Variants in RNF152 observed in about 807,000 individuals in gnomAD.
RNF152 encodes E3 ubiquitin-protein ligase RNF152.
In RNF152, 11 loss-of-function variants were observed where a neutral mutation model predicts 12.7. The observed-to-expected ratio is 0.86, with a 90% CI of 0.54 to 1.43. The LOEUF is 1.43. Among genes scored for constraint, RNF152 ranks in the 40% most tolerant of loss-of-function variants. The pLI, the probability that RNF152 is intolerant of heterozygous loss-of-function variation, is 0.00. For synonymous variants in RNF152, 113 were observed against 120.3 expected, an observed-to-expected ratio of 0.94 and a Z score of 0.40; for missense variants, 255 against 274.8, an observed-to-expected ratio of 0.93 and a Z score of 0.51.
At chr18:61,839,660 C>T (rs1247140310) in intron 1 of RNF152, among the ~76,000 whole-genome samples, 1 of 152,100 alleles carries the variant, frequency 6.6e-6, no homozygotes, top group Non-Finnish European at 1.5e-5. Flanking sequence ...CTTTGGGAGG[C>T]TGAGGCGGGC....
intron 1 of RNF152, among the ~76,000 whole-genome samples, chr18:61,880,378 T>G (rs566361472): frequency 5.4e-4 from 82 of 152,316 alleles, no homozygotes; most frequent in African/African-American, 1.9e-3. Flanking sequence ...ATCCCAGTTG[T>G]GAGTGTGGCT....
chr18:61,816,228 A>G lies in RNF152; in HGVS notation c.236T>C (p.Ile79Thr). 1 of 1,614,218 alleles carries G rather than the reference A, an allele frequency of 6.2e-7. No homozygotes were observed. Among genetic ancestry groups the G allele is most frequent in the Non-Finnish European group, 8.5e-7 (1 of 1,180,032 alleles). ...LPDDPEVLAV[I>T]AIPHTSEHTP... ...GTGTTCGGAAGTGTGTGGAATGGCGATGACAGCCAGGACCTCCGGGTCGTC... is the reference window on the plus strand; with the variant it reads ...GTGTTCGGAAGTGTGTGGAATGGCGGTGACAGCCAGGACCTCCGGGTCGTC... The change falls in exon 2 of 2, where the codon ATC becomes ACC. Residue 79 changes from isoleucine (I) to threonine (T), a missense_variant. Physicochemically the swap from Ile to Thr is moderately conservative, Grantham distance 89. Coordinates refer to ENST00000312828, the MANE Select transcript of RNF152 (RefSeq NM_173557.3).
intron 1 of RNF152, among the ~76,000 whole-genome samples, chr18:61,887,820 G>C (rs1456641440): frequency 6.6e-6 from 1 of 152,092 alleles, no homozygotes; most frequent in African/African-American, 2.4e-5. Flanking sequence ...GTGATTATCT[G>C]GATGTCTAGA....
chr18:61,822,509 G>A (rs1279709753), intron 1 of RNF152, among the ~76,000 whole-genome samples: 1 of 152,168 alleles, frequency 6.6e-6, no homozygotes, highest in East Asian at 1.9e-4. Flanking sequence ...GCATTCATTT[G>A]GTAGGTGGTA....
intron 1 of RNF152, among the ~76,000 whole-genome samples, chr18:61,832,793 T>C (rs983316869): frequency 6.6e-6 from 1 of 152,200 alleles, no homozygotes; most frequent in Non-Finnish European, 1.5e-5. Flanking sequence ...CACCATATTA[T>C]TAGGTCTTGC....
Position 61,815,774 on chromosome 18 carries a change from A to G in RNF152, c.*78T>C. The G allele has an allele frequency of 3.3e-6, 5 of 1,515,496 alleles. No homozygotes were observed. Among genetic ancestry groups the G allele is most frequent in the Non-Finnish European group, 4.5e-6 (5 of 1,108,118 alleles). 93.9% of individuals were successfully genotyped at this position (1,515,496 alleles called of 1,614,324 possible). On this transcript the variant is annotated 3_prime_UTR_variant, in exon 2 of 2. Coordinates refer to ENST00000312828, the MANE Select transcript of RNF152 (RefSeq NM_173557.3). Reference sequence around the variant, plus strand: ...CACCAAATGGTCAGTGTTGCCCCCCATCTTCTCACTGGGATCTCATCATCA... The same window carrying G: ...CACCAAATGGTCAGTGTTGCCCCCCGTCTTCTCACTGGGATCTCATCATCA...
Position 61,853,470 on chromosome 18 carries a change from T to A in RNF152, c.-135-36872A>T, listed in dbSNP as rs985840019. 7.9e-5 allele frequency among the ~76,000 whole-genome samples: 12 copies of A among 152,184 alleles called. No individual in the cohort carries two copies. The East Asian group carries it at 2.3e-3, about 29-fold the overall frequency. On this transcript the variant is annotated intron_variant, in intron 1 of 1. Transcript: ENST00000312828. ...AGGCCCAGCTAATTTTTTTGTATTTTTAGTAGAGATGGGGTTTCACCATGT... is the reference window on the plus strand; with the variant it reads ...AGGCCCAGCTAATTTTTTTGTATTTATAGTAGAGATGGGGTTTCACCATGT...
At chr18:61,865,020 C>CA (rs907233549) in intron 1 of RNF152, among the ~76,000 whole-genome samples, 96 of 145,212 alleles carry the variant, frequency 6.6e-4, no homozygotes, top group African/African-American at 1.9e-3. Flanking sequence ...AACTCCATCT[C>CA]AAAAAAAAAA....
At chr18:61,844,244 G>C (rs1910650551) in intron 1 of RNF152, among the ~76,000 whole-genome samples, 1 of 133,756 alleles carries the variant, frequency 7.5e-6, no homozygotes, top group Admixed American at 7.3e-5. Flanking sequence ...GAGGGGAGGG[G>C]AGGGCAGGCC....
rs544812655 is a variant in RNF152, at chr18:61,815,668, G to C, written c.*184C>G. ...CATCAACACTCAGAACAATTCACCT[G>C]GTATCTTGTTGAGACCGCACCTTCT... On this transcript the variant is annotated 3_prime_UTR_variant, in exon 2 of 2. Transcript: ENST00000312828. 5 of 600,318 alleles carry C rather than the reference G, an allele frequency of 8.3e-6. No individual in the cohort carries two copies. In the South Asian group the frequency reaches 1.1e-4, roughly 13 times the overall value. The allele number at this position is 600,318 out of a possible 1,614,324, so 37.2% of individuals were successfully genotyped here. A position where few individuals can be genotyped will look rare whatever the true frequency, so the allele number is the denominator to read the frequency against.
rs2144598734 is a variant in RNF152, at chr18:61,811,482, A to C, written c.*4370T>G. The C allele has an allele frequency of 6.6e-6, 1 of 152,360 alleles. No homozygotes were observed. Among genetic ancestry groups the C allele is most frequent in the African/African-American group, 2.4e-5 (1 of 41,582 alleles). The allele number at this position is 152,360 out of a possible 1,614,324, so 9.4% of individuals were successfully genotyped here. On this transcript the variant is annotated 3_prime_UTR_variant, in exon 2 of 2. Coordinates refer to ENST00000312828, the MANE Select transcript of RNF152 (RefSeq NM_173557.3). ...CTTCAACTCTTTCAGGGATAACTGA[A>C]ATTTTTGCTTAAAAAAGAAAGACAC...
intron 1 of RNF152, among the ~76,000 whole-genome samples, chr18:61,858,561 C>T (rs1911327780): frequency 6.6e-6 from 1 of 152,024 alleles, no homozygotes; most frequent in Non-Finnish European, 1.5e-5. Context: ...GCCCTGGGCC[C>T]CAACTCTACT....
intron 1 of RNF152, among the ~76,000 whole-genome samples, chr18:61,834,493 A>G (rs1328692481): frequency 6.6e-6 from 1 of 152,230 alleles, no homozygotes; most frequent in African/African-American, 2.4e-5. Flanking sequence ...CACACCCAGC[A>G]TCTAGCCAAC....
intron 1 of RNF152, among the ~76,000 whole-genome samples, chr18:61,883,532 T>G (rs1284854832): frequency 6.6e-6 from 1 of 152,148 alleles, no homozygotes; most frequent in Non-Finnish European, 1.5e-5. Context: ...GTTAGATCTC[T>G]ACAAAGCCTG....
chr18:61,819,745 G>A (rs1909288490), intron 1 of RNF152, among the ~76,000 whole-genome samples: 1 of 152,148 alleles, frequency 6.6e-6, no homozygotes, highest in African/African-American at 2.4e-5. Context: ...AGAAGGTCAG[G>A]CACAGTGGCT....
At chr18:61,843,622 T>C (rs1325958748) in intron 1 of RNF152, among the ~76,000 whole-genome samples, 2 of 152,192 alleles carry the variant, frequency 1.3e-5, no homozygotes, top group Admixed American at 6.5e-5. Context: ...TATTCAGCCT[T>C]AAAACAGCAG....
chr18:61,853,708 C>T (rs1465201704), intron 1 of RNF152, among the ~76,000 whole-genome samples: 2 of 152,164 alleles, frequency 1.3e-5, no homozygotes, highest in Non-Finnish European at 2.9e-5. Flanking sequence ...GACTATTCTA[C>T]CTCTTTTTCA....
intron 1 of RNF152, among the ~76,000 whole-genome samples, chr18:61,847,212 T>A (rs572930950): frequency 1.5e-4 from 23 of 151,954 alleles, no homozygotes; most frequent in African/African-American, 4.6e-4. Flanking sequence ...AAAAGAGGTA[T>A]CAGAGTAACA....
At chr18:61,824,302 C>T (rs1303133369) in intron 1 of RNF152, among the ~76,000 whole-genome samples, 2 of 152,342 alleles carry the variant, frequency 1.3e-5, no homozygotes, top group Middle Eastern at 3.4e-3. Flanking sequence ...CAAATGAGGA[C>T]TCTGGATTAG....
Sources: allele counts gnomAD v4.1 joint callset (sites outside exome capture counted in the v4.1 genomes callset), GRCh38; gene constraint gnomAD v4.1.1; transcripts MANE v1.5; gene names NCBI Gene and HGNC (gene_info 2026-07-23, HGNC 2026-07-21).